Variants in ZNF678 observed in about 807,000 individuals in gnomAD.
ZNF678 encodes zinc finger protein 678, also known as hypothetical protein MGC42493.
A neutral mutation model predicts 3.0 loss-of-function variants in ZNF678; 5 were observed. The observed-to-expected ratio is 1.69, with a 90% CI of 0.88 to 3.56. The LOEUF is 3.56. Among genes scored for constraint, ZNF678 ranks in the 30% most tolerant of loss-of-function variants. ZNF678 has a pLI of 0.00. For synonymous variants in ZNF678, 218 were observed against 199.6 expected, an observed-to-expected ratio of 1.09 and a Z score of -0.78; for missense variants, 593 against 605.0, an observed-to-expected ratio of 0.98 and a Z score of 0.21.
rs1417197457 is a variant in ZNF678 at position 227,662,082 on chromosome 1, A to G, written c.*6254A>G. On this transcript the variant is annotated 3_prime_UTR_variant, in exon 4 of 4. Transcript: ENST00000343776. Reference sequence around the variant, plus strand: ...TTAAGGAGAAGGTTCTAGGCTTCCGAAGTAAAATTGGATGTGGAGGTTGGG... The same window carrying G: ...TTAAGGAGAAGGTTCTAGGCTTCCGGAGTAAAATTGGATGTGGAGGTTGGG... 1 of 152,198 alleles carries G rather than the reference A, an allele frequency of 6.6e-6. No individual in the cohort carries two copies. The highest frequency in any genetic ancestry group is 1.5e-5 in the Non-Finnish European group (1 of 68,036). 9.4% of individuals were successfully genotyped at this position (152,198 alleles called of 1,614,324 possible).
chr1:227,614,556 C>G (rs1157940183), intron 1 of ZNF678, among the ~76,000 whole-genome samples: 2 of 152,192 alleles, frequency 1.3e-5, no homozygotes, highest in Non-Finnish European at 2.9e-5. Context: ...GGCAAAGCCT[C>G]CCTTCTAGAT....
chr1:227,565,882 G>C (rs1166345988), intron 1 of ZNF678, among the ~76,000 whole-genome samples: 1 of 152,102 alleles, frequency 6.6e-6, no homozygotes, highest in Non-Finnish European at 1.5e-5. Flanking sequence ...TCAGCCTCCC[G>C]AGTAGCTGGG....
chr1:227,584,690 T>C (rs1402067512), intron 1 of ZNF678, among the ~76,000 whole-genome samples: 1 of 152,160 alleles, frequency 6.6e-6, no homozygotes, highest in Admixed American at 6.5e-5. Context: ...ATACAGACAG[T>C]ATGGATAAGT....
rs141422057 is a variant in ZNF678 at position 227,675,747 on chromosome 1, C to A, written c.227-1432C>A. On this transcript the variant is annotated intron_variant, in intron 5 of 5. Transcript: ENST00000608949. ...TGGGGAAAGGCCCCATAAAAAACACCTATTATGCTGGATAAAATGAAGTGA... is the reference window on the plus strand; with the variant it reads ...TGGGGAAAGGCCCCATAAAAAACACATATTATGCTGGATAAAATGAAGTGA... Among the ~76,000 whole-genome samples the A allele has an allele frequency of 2.6e-5, 4 of 152,104 alleles. No homozygotes were observed. The East Asian group carries it at 7.7e-4, about 29-fold the overall frequency.
intron 1 of ZNF678, among the ~76,000 whole-genome samples, chr1:227,592,699 TGCGGG>T: frequency 6.6e-6 from 1 of 152,384 alleles, no homozygotes; most frequent in South Asian, 2.1e-4. Context: ...TGGTATTCCT[TGCGGG>T]GCTCCAGTTG....
chr1:227,632,645 G>A lies in ZNF678; in HGVS notation c.-163-13899G>A, dbSNP rs1658575963. 2.0e-5 allele frequency among the ~76,000 whole-genome samples: 3 copies of A among 152,138 alleles called. No homozygotes were observed. The South Asian group carries it at 6.2e-4, about 32-fold the overall frequency. Reference sequence around the variant, plus strand: ...GCCTTTTCCCAGAAAGCCTAACACTGAGTCTTGAGTCTGGCAGCCACGCTG... The same window carrying A: ...GCCTTTTCCCAGAAAGCCTAACACTAAGTCTTGAGTCTGGCAGCCACGCTG... On this transcript the variant is annotated intron_variant, in intron 1 of 3. Coordinates refer to ENST00000343776, the MANE Select transcript of ZNF678 (RefSeq NM_001367909.1).
In ZNF678 at chr1:227,656,069, A is replaced by T. The variant is rs1391523833; in HGVS notation, c.*241A>T. 3.1e-6 allele frequency: 1 copy of T among 325,666 alleles called. No individual in the cohort carries two copies. The highest frequency in any genetic ancestry group is 2.1e-5 in the African/African-American group (1 of 46,880). The allele number at this position is 325,666 out of a possible 1,614,324, so 20.2% of individuals were successfully genotyped here. ...TTCAGACTTTATTCAACTTTAGAGG[A>T]TTTTACGGGGGCAAAAAACCTCCTA... is the stretch of plus-strand genomic sequence containing the variant. On this transcript the variant is annotated 3_prime_UTR_variant, in exon 4 of 4. Transcript: ENST00000343776.
chr1:227,632,930 A>G (rs1354558564), intron 1 of ZNF678, among the ~76,000 whole-genome samples: 1 of 152,118 alleles, frequency 6.6e-6, no homozygotes, highest in Non-Finnish European at 1.5e-5. Context: ...ACCTTGGGCT[A>G]TGTGGTGAGT....
Position 227,638,972 on chromosome 1 carries a change from C to T in ZNF678, c.-163-7572C>T, listed in dbSNP as rs530390152. ...CCACCATCAGGGTTACCACTTGGCT[C>T]GGATGAAGCGATGGTAGTTGCCAGG... On this transcript the variant is annotated intron_variant, in intron 1 of 3. Coordinates refer to ENST00000343776, the MANE Select transcript of ZNF678 (RefSeq NM_001367909.1). The surrounding 1 kb of genome is among the most constrained non-coding windows in gnomAD (Gnocchi z 4.2). 3.4e-4 allele frequency among the ~76,000 whole-genome samples: 51 copies of T among 152,124 alleles called. No individual in the cohort carries two copies. Among genetic ancestry groups the T allele is most frequent in the Admixed American group, 1.2e-3 (18 of 15,274 alleles).
At chr1:227,648,831 C>CA (rs113778019) in intron 2 of ZNF678, among the ~76,000 whole-genome samples, 34,152 of 148,734 alleles carry the variant, frequency 0.23, 4,037 homozygotes, top group African/African-American at 0.28. Context: ...GACTCCATCC[C>CA]AAAAAAAAAC....
At chr1:227,570,053 T>G (rs1041080857) in intron 1 of ZNF678, among the ~76,000 whole-genome samples, 1 of 152,226 alleles carries the variant, frequency 6.6e-6, no homozygotes, top group Non-Finnish European at 1.5e-5. Context: ...GTGGGCTTAT[T>G]ACCAGGAGCA....
intron 1 of ZNF678, among the ~76,000 whole-genome samples, chr1:227,614,137 C>G (rs566553600): frequency 6.6e-6 from 1 of 152,290 alleles, no homozygotes; most frequent in African/African-American, 2.4e-5. Context: ...GACTAAACTC[C>G]TTATGGTCTT....
intron 1 of ZNF678, among the ~76,000 whole-genome samples, chr1:227,614,213 C>T (rs567245180): frequency 5.2e-4 from 79 of 152,308 alleles, no homozygotes; most frequent in Non-Finnish European, 9.7e-4. Context: ...CTATGCTATC[C>T]ATAAGAGTTA....
intron 1 of ZNF678, among the ~76,000 whole-genome samples, chr1:227,580,891 T>C (rs1286740759): frequency 2.6e-5 from 4 of 151,506 alleles, no homozygotes; most frequent in African/African-American, 9.7e-5. Flanking sequence ...GATCCCGCCT[T>C]TGCACTCCAG....
rs1656592510 is a variant in ZNF678 at position 227,563,743 on chromosome 1, G to T, written c.-164+19G>T. Reference sequence around the variant, plus strand: ...GAAAACGGTGAGAGTTCCCGGGAGGGTGTTCCAAGATGGCGGTCCGGCCTC... The same window carrying T: ...GAAAACGGTGAGAGTTCCCGGGAGGTTGTTCCAAGATGGCGGTCCGGCCTC... On this transcript the variant is annotated intron_variant, in intron 1 of 3. Transcript: ENST00000343776. 2 of 1,314,978 alleles carry T rather than the reference G, an allele frequency of 1.5e-6. No individual in the cohort carries two copies. Among genetic ancestry groups the T allele is most frequent in the Non-Finnish European group, 2.0e-6 (2 of 994,010 alleles). 81.5% of individuals were successfully genotyped at this position (1,314,978 alleles called of 1,614,324 possible). A position where few individuals can be genotyped will look rare whatever the true frequency, so the allele number is the denominator to read the frequency against.
chr1:227,611,884 C>T (rs1289490994), intron 1 of ZNF678, among the ~76,000 whole-genome samples: 12 of 152,142 alleles, frequency 7.9e-5, no homozygotes, highest in Admixed American at 7.9e-4. Flanking sequence ...CCTATTCTAG[C>T]AAACCAGGTG....
chr1:227,569,275 C>A (rs979039806), intron 1 of ZNF678, among the ~76,000 whole-genome samples: 1 of 152,140 alleles, frequency 6.6e-6, no homozygotes, highest in African/African-American at 2.4e-5. Context: ...TAGGTGTGAA[C>A]CCCCATGCCT....
At chr1:227,678,216 A>G (rs1192897362), downstream of ZNF678, among the ~76,000 whole-genome samples, 1 of 152,222 alleles carries the variant, frequency 6.6e-6, no homozygotes, top group Non-Finnish European at 1.5e-5. Flanking sequence ...AATTTTTGGT[A>G]CAAGCCCTCA....
chr1:227,679,611 G>C (rs1293042519), downstream of ZNF678, among the ~76,000 whole-genome samples: 1 of 151,806 alleles, frequency 6.6e-6, no homozygotes, highest in Non-Finnish European at 1.5e-5. Context: ...AGGGAGCTCA[G>C]CTCTTGAGAC....
Sources: gnomAD v4.1 joint callset for allele counts (sites outside exome capture counted in the v4.1 genomes callset) on GRCh38, gnomAD v4.1.1 for gene constraint, Gnocchi (gnomAD v3.1) non-coding constraint, MANE v1.5 for transcripts, NCBI Gene and HGNC (gene_info 2026-07-23, HGNC 2026-07-21) for gene names.